Variants in ABLIM2 observed in about 807,000 individuals in gnomAD.
ABLIM2 encodes the protein actin-binding LIM protein 2.
A neutral mutation model predicts 97.7 loss-of-function variants in ABLIM2; 53 were observed. The ratio of observed to expected loss-of-function variants is 0.54; its 90% CI spans 0.44 to 0.68. ABLIM2 has a LOEUF of 0.68. ABLIM2 is among the 30% of genes least tolerant of loss of function. ABLIM2 has a pLI of 0.00. For synonymous variants in ABLIM2, 361 were observed against 345.8 expected (o/e 1.04, Z -0.49); for missense variants, 835 against 867.2 (o/e 0.96, Z 0.47).
intron 1 of ABLIM2, among the ~76,000 whole-genome samples, chr4:8,126,674 A>ACTGC (rs1848117698): frequency 6.6e-6 from 1 of 151,992 alleles, no homozygotes; most frequent in African/African-American, 2.4e-5. Context: ...GGCAGGTGCT[A>ACTGC]CTGCGTGGTG....
Position 8,150,710 on chromosome 4 carries a change from C to T in ABLIM2, c.10+7970G>A, listed in dbSNP as rs375934422. Among the ~76,000 whole-genome samples, 39 of 152,292 alleles carry T rather than the reference C, an allele frequency of 2.6e-4. 1 individual carries two copies. In the East Asian group the frequency reaches 6.4e-3, roughly 25 times the overall value. On this transcript the variant is annotated intron_variant, in intron 1 of 20. Coordinates refer to ENST00000447017, the MANE Select transcript of ABLIM2 (RefSeq NM_001130083.2). The surrounding 1 kb of genome is among the most constrained non-coding windows in gnomAD (Gnocchi z 6.3). ...CTGAGACCGATGACTCAAGACACCA[C>T]GCCTCCTGAGGATGCTGTGCCGAGA...
At chr4:7,988,408 C>A (rs188557512) in intron 17 of ABLIM2, among the ~76,000 whole-genome samples, 2 of 152,342 alleles carry the variant, frequency 1.3e-5, no homozygotes, top group Admixed American at 1.3e-4. Flanking sequence ...ATGATTATCA[C>A]TTTACAGATG....
intron 10 of ABLIM2, among the ~76,000 whole-genome samples, chr4:8,034,301 G>A (rs1036467197): frequency 8.0e-5 from 12 of 150,898 alleles, no homozygotes; most frequent in Non-Finnish European, 1.3e-4. Flanking sequence ...ATGGGTGTAG[G>A]TAGGTACAGG....
chr4:8,081,925 C>T (rs1350253224), intron 4 of ABLIM2, among the ~76,000 whole-genome samples: 2 of 152,098 alleles, frequency 1.3e-5, no homozygotes, highest in Non-Finnish European at 2.9e-5. Context: ...GCTGAATGTG[C>T]GTCAGTGTGT....
At chr4:8,114,172 C>T (rs113935651) in intron 1 of ABLIM2, among the ~76,000 whole-genome samples, 114 of 152,332 alleles carry the variant, frequency 7.5e-4, no homozygotes, top group African/African-American at 2.6e-3. Context: ...ATTTGTCTCC[C>T]TAGGGCCAGG....
In ABLIM2 at chr4:8,085,207, C is replaced by G. The variant is rs1311688791; in HGVS notation, c.454+2962G>C. Among the ~76,000 whole-genome samples the G allele has an allele frequency of 6.6e-6, 1 of 152,104 alleles. No homozygotes were observed. The highest frequency in any genetic ancestry group is 1.9e-4 in the East Asian group (1 of 5,162). On this transcript the variant is annotated intron_variant, in intron 4 of 20. Coordinates refer to ENST00000447017, the MANE Select transcript of ABLIM2 (RefSeq NM_001130083.2). This position sits in a 1 kb window ranked among gnomAD's most constrained non-coding sequence, Gnocchi z 6.1. The stretch of plus-strand genomic sequence containing the variant: ...CTCAAGAGCCAGCCACTCTCCCCTC[C>G]CCAGGGAGGGGCAGCCACACAGGCA...
rs956434913 is a variant in ABLIM2 at position 8,097,155 on chromosome 4, C to T, written c.282G>A (p.Val94=). ...FSCDQFIEGE[V]VSALGKTYHP... Reference sequence around the variant, plus strand: ...GGTAGGTCTTGCCCAGCGCCGACACCACCTCACCCTCAATGAACTGGTCGC... The same window carrying T: ...GGTAGGTCTTGCCCAGCGCCGACACTACCTCACCCTCAATGAACTGGTCGC... The change falls in exon 3 of 21, where the codon GTG becomes GTA. Residue 94 remains valine, a synonymous_variant. Coordinates refer to ENST00000447017, the MANE Select transcript of ABLIM2 (RefSeq NM_001130083.2). 6.2e-7 allele frequency: 1 copy of T among 1,610,940 alleles called. No individual in the cohort carries two copies. Among genetic ancestry groups the T allele is most frequent in the Non-Finnish European group, 8.5e-7 (1 of 1,178,840 alleles).
intron 10 of ABLIM2, among the ~76,000 whole-genome samples, chr4:8,031,914 G>A (rs201785878): frequency 3.9e-5 from 6 of 152,062 alleles, no homozygotes; most frequent in African/African-American, 7.2e-5. Context: ...TAGTGGAGAC[G>A]GGGTTTCACT....
chr4:8,077,023 G>A (rs907394275), intron 6 of ABLIM2, among the ~76,000 whole-genome samples: 4 of 145,214 alleles, frequency 2.8e-5, no homozygotes, highest in Admixed American at 2.1e-4. Flanking sequence ...GGGGGTCTGT[G>A]AATCCGAAGG....
At position 7,966,189 on chromosome 4, in the gene ABLIM2, T is replaced by G. The variant is rs1722893347; in HGVS notation, c.*801A>C. ...TATGAGGACCACACCAAGAACAGACTGAAACCACACAGATCCGAGCGGTGG... is the reference window on the plus strand; with the variant it reads ...TATGAGGACCACACCAAGAACAGACGGAAACCACACAGATCCGAGCGGTGG... On this transcript the variant is annotated 3_prime_UTR_variant, in exon 21 of 21. Coordinates refer to ENST00000447017, the MANE Select transcript of ABLIM2 (RefSeq NM_001130083.2). The G allele has an allele frequency of 6.6e-6, 1 of 152,522 alleles. No homozygotes were observed. 9.4% of individuals were successfully genotyped at this position (152,522 alleles called of 1,614,324 possible).
chr4:7,991,249 G>A (rs868619704), intron 17 of ABLIM2, among the ~76,000 whole-genome samples: 3 of 151,524 alleles, frequency 2.0e-5, no homozygotes, highest in Non-Finnish European at 4.4e-5. Flanking sequence ...TTTAGCATGT[G>A]AGCCTAGAGA....
At chr4:7,982,665 C>T (rs776842725) in intron 20 of ABLIM2, among the ~76,000 whole-genome samples, 1 of 152,112 alleles carries the variant, frequency 6.6e-6, no homozygotes, top group African/African-American at 2.4e-5. Context: ...GTTTACTCAA[C>T]CTCAGTAGGA....
chr4:8,032,536 T>C lies in ABLIM2; in HGVS notation c.1048-2760A>G, dbSNP rs567267815. ...ACAAGGGCCGTGGCCCCGGGCCCCA[T>C]GGTGAAGAGCCACCGAGGAGGCCCT... On this transcript the variant is annotated intron_variant, in intron 10 of 20. Transcript: ENST00000447017. This position sits in a 1 kb window ranked among gnomAD's most constrained non-coding sequence, Gnocchi z 4.3. 193 of 1,407,052 alleles carry C rather than the reference T, an allele frequency of 1.4e-4. No homozygotes were observed. In the African/African-American group the frequency reaches 1.9e-3, roughly 14 times the overall value. 87.2% of individuals were successfully genotyped at this position (1,407,052 alleles called of 1,614,324 possible). A position where few individuals can be genotyped will look rare whatever the true frequency, so the allele number is the denominator to read the frequency against.
chr4:8,020,410 C>G, intron 12 of ABLIM2, 107 bp from the exon 13 acceptor site: 1 of 1,002,020 alleles, frequency 1.0e-6, no homozygotes, highest in East Asian at 2.6e-5. Flanking sequence ...TCTCTCCTGT[C>G]TGGTGGAGCA....
chr4:7,983,685 C>G, intron 18 of ABLIM2, 131 bp from the exon 19 acceptor site: 1 of 1,137,660 alleles, frequency 8.8e-7, no homozygotes, highest in East Asian at 2.6e-5. Context: ...GCATGGTCCC[C>G]GAGCAGCCTG....
Position 8,125,836 on chromosome 4 carries a change from C to T in ABLIM2, c.11-19199G>A, listed in dbSNP as rs955781420. Among the ~76,000 whole-genome samples the T allele has an allele frequency of 2.6e-5, 4 of 152,244 alleles. No individual in the cohort carries two copies. Among genetic ancestry groups the T allele is most frequent in the African/African-American group, 9.6e-5 (4 of 41,474 alleles). On this transcript the variant is annotated intron_variant, in intron 1 of 20. Coordinates refer to ENST00000447017, the MANE Select transcript of ABLIM2 (RefSeq NM_001130083.2). The surrounding 1 kb of genome is among the most constrained non-coding windows in gnomAD (Gnocchi z 6.2). ...CCTCAGAATGCTCCAGCACCCCAGC[C>T]ATGCCAGCTCGTCCTCCTGGGCAGG...
In ABLIM2 at chr4:7,992,466, G is replaced by A. The variant is rs1052365619; in HGVS notation, c.1680+400C>T. On this transcript the variant is annotated intron_variant, in intron 17 of 20. Transcript: ENST00000447017. This position sits in a 1 kb window ranked among gnomAD's most constrained non-coding sequence, Gnocchi z 5.7. ...AAGGCCAGGGCATCCCCGAGAAGGA[G>A]GTGGGCACTTGGCTCACACTGGCTC... 2.6e-5 allele frequency among the ~76,000 whole-genome samples: 4 copies of A among 152,176 alleles called. No individual in the cohort carries two copies. Among genetic ancestry groups the A allele is most frequent in the Non-Finnish European group, 4.4e-5 (3 of 68,032 alleles).
chr4:8,123,317 G>T lies in ABLIM2; in HGVS notation c.11-16680C>A, dbSNP rs1233172211. On this transcript the variant is annotated intron_variant, in intron 1 of 20. Coordinates refer to ENST00000447017, the MANE Select transcript of ABLIM2 (RefSeq NM_001130083.2). This position sits in a 1 kb window ranked among gnomAD's most constrained non-coding sequence, Gnocchi z 6.2. The stretch of plus-strand genomic sequence containing the variant: ...AGGCGTTGTCACCCTCAGGCTGCAG[G>T]CAAGGGAACCCCATCTCAGAGATGC... Among the ~76,000 whole-genome samples, 4 of 152,294 alleles carry T rather than the reference G, an allele frequency of 2.6e-5. No individual in the cohort carries two copies. The East Asian group carries it at 7.7e-4, about 29-fold the overall frequency.
At chr4:7,990,017 G>A (rs1747451110) in intron 17 of ABLIM2, among the ~76,000 whole-genome samples, 1 of 152,116 alleles carries the variant, frequency 6.6e-6, no homozygotes, top group South Asian at 2.1e-4. Context: ...GACATATTGT[G>A]CTTTAGGTCA....
Sources: gnomAD v4.1 joint callset for allele counts (sites outside exome capture counted in the v4.1 genomes callset) on GRCh38, gnomAD v4.1.1 for gene constraint, Gnocchi (gnomAD v3.1) non-coding constraint, MANE v1.5 for transcripts, NCBI Gene and HGNC (gene_info 2026-07-23, HGNC 2026-07-21) for gene names.